RBM12: variants seen among roughly 807,000 people sequenced by gnomAD.
RBM12 encodes RNA-binding protein 12.
A neutral mutation model predicts 37.2 loss-of-function variants in RBM12; 24 were observed. That is an observed-to-expected ratio of 0.65 (90% confidence interval 0.47 to 0.91). The LOEUF is 0.91. RBM12 is among the 40% of genes least tolerant of loss of function. The probability of loss-of-function intolerance (pLI) is 0.00; values close to 1 mark genes in which losing one functional copy is unlikely to be tolerated. For synonymous variants in RBM12, 420 were observed against 425.2 expected (o/e 0.99, Z 0.15); for missense variants, 1,061 against 1,183.2 (o/e 0.90, Z 1.52).
intron 1 of RBM12, among the ~76,000 whole-genome samples, chr20:35,659,979 A>G (rs1042819951): frequency 1.3e-5 from 2 of 152,236 alleles, no homozygotes; most frequent in African/African-American, 2.4e-5. Context: ...CCAAGACCAA[A>G]ATACAACTAA....
At position 35,655,009 on chromosome 20, in the gene RBM12, G is replaced by A. The variant is rs757411439; in HGVS notation, c.314C>T (p.Ser105Leu). Residue 105 changes from serine (S) to leucine (L), a missense_variant, in exon 3 of 3, where the codon TCA (serine) becomes TTA (leucine). By Grantham distance (145) the Ser-to-Leu change is moderately radical (BLOSUM62 -2). Around this residue, in one of 3 missense-constraint regions of RBM12, gnomAD observed 540 missense variants for 632.7 expected, o/e 0.85. Coordinates refer to ENST00000374114, the MANE Select transcript of RBM12 (RefSeq NM_006047.6). ...LDIPPANASRSGPPPSSGMSS... is the reference protein window; with the variant it reads ...LDIPPANASRLGPPPSSGMSS... ...CATTCCTGAGCTAGGTGGTGGTCCT[G>A]ATCTACTGGCATTTGCTGGTGGTAT... The A allele has an allele frequency of 3.7e-6, 6 of 1,614,056 alleles. No homozygotes were observed. Among genetic ancestry groups the A allele is most frequent in the African/African-American group, 1.3e-5 (1 of 74,910 alleles).
rs183414249 is a variant in RBM12, at chr20:35,653,288, C to A, written c.2035G>T (p.Gly679Cys). ...AGTCCTGCACTGGTTATTGCTGAACCAGGCAGTCCTGTGCTGGGCAGGCCT... is the reference window on the plus strand; with the variant it reads ...AGTCCTGCACTGGTTATTGCTGAACAAGGCAGTCCTGTGCTGGGCAGGCCT... ...GAGLPSTGLP[G>C]SAITSAGLPG... is the part of the protein sequence containing the mutation. Residue 679 changes from glycine (G) to cysteine (C), a missense_variant, in exon 3 of 3, where the codon GGT becomes TGT. Coordinates refer to ENST00000374114, the MANE Select transcript of RBM12 (RefSeq NM_006047.6). 1 of 1,613,672 alleles carries A rather than the reference C, an allele frequency of 6.2e-7. No individual in the cohort carries two copies. Among genetic ancestry groups the A allele is most frequent in the East Asian group, 2.2e-5 (1 of 44,882 alleles).
chr20:35,652,383 C>A lies in RBM12; in HGVS notation c.*141G>T. 1.1e-6 allele frequency: 1 copy of A among 942,044 alleles called. No individual in the cohort carries two copies. The highest frequency in any genetic ancestry group is 1.6e-6 in the Non-Finnish European group (1 of 633,942). 58.4% of individuals were successfully genotyped at this position (942,044 alleles called of 1,614,324 possible). A position where few individuals can be genotyped will look rare whatever the true frequency, so the allele number is the denominator to read the frequency against. Reference sequence around the variant, plus strand: ...GAGTGAGTCTTCTGTAAACAGTCAACCAATGCTCTATGTTATGGAAACCAA... The same window carrying A: ...GAGTGAGTCTTCTGTAAACAGTCAAACAATGCTCTATGTTATGGAAACCAA... On this transcript the variant is annotated 3_prime_UTR_variant, in exon 3 of 3. Transcript: ENST00000374114.
intron 1 of RBM12, among the ~76,000 whole-genome samples, chr20:35,663,368 C>G (rs1374098182): frequency 6.6e-6 from 1 of 152,228 alleles, no homozygotes; most frequent in East Asian, 1.9e-4. Context: ...CCAGACAATT[C>G]TTGTTGCTAA....
rs774733595 is a variant in RBM12, at chr20:35,654,746, TTGG to T, written c.574_576del (p.Pro192del). The T allele has an allele frequency of 9.3e-6, 15 of 1,613,546 alleles. No homozygotes were observed. Among genetic ancestry groups the T allele is most frequent in the Non-Finnish European group, 1.3e-5 (15 of 1,179,570 alleles). The stretch of plus-strand genomic sequence containing the variant: ...GGTGGCAGAGATGGCATCGCTGGAA[TTGG>T]AGGAATTGGTGGCGGCGGGACTGTG... On this transcript the variant is annotated inframe_deletion, in exon 3 of 3. Coordinates refer to ENST00000374114, the MANE Select transcript of RBM12 (RefSeq NM_006047.6).
Position 35,652,579 on chromosome 20 carries a change from A to C in RBM12, c.2744T>G (p.Ile915Ser). The C allele has an allele frequency of 6.2e-7, 1 of 1,614,210 alleles. No individual in the cohort carries two copies. The highest frequency in any genetic ancestry group is 8.5e-7 in the Non-Finnish European group (1 of 1,180,016). Residue 915 changes from isoleucine (I) to serine (S), a missense_variant, in exon 3 of 3, where the codon ATT becomes AGT. Ile to Ser is a moderately radical substitution (Grantham distance 142, BLOSUM62 -2). Coordinates refer to ENST00000374114, the MANE Select transcript of RBM12 (RefSeq NM_006047.6). ...ESRDEATAAVIDLNDRPIGSR... is the reference protein window; with the variant it reads ...ESRDEATAAVSDLNDRPIGSR... ...ACCTATAGGCCTGTCATTTAAGTCA[A>C]TGACAGCAGCTGTGGCTTCATCCCG...
chr20:35,658,256 T>C (rs999330967), intron 2 of RBM12, among the ~76,000 whole-genome samples: 2 of 152,192 alleles, frequency 1.3e-5, no homozygotes, highest in Admixed American at 1.3e-4. Flanking sequence ...TGACCCATTA[T>C]CTATACTTAA....
Position 35,652,839 on chromosome 20 carries a change from G to GCCGGGC in RBM12, c.2483_2484insGCCCGG (p.Gly836_Pro837dup). 6.2e-7 allele frequency: 1 copy of GCCGGGC among 1,608,538 alleles called. No homozygotes were observed. Among genetic ancestry groups the GCCGGGC allele is most frequent in the Non-Finnish European group, 8.5e-7 (1 of 1,177,270 alleles). On this transcript the variant is annotated inframe_insertion, in exon 3 of 3. Coordinates refer to ENST00000374114, the MANE Select transcript of RBM12 (RefSeq NM_006047.6). ...GGCCAGGGCCGGGGCCGGGGCCGGG[G>GCCGGGC]CCAGGCCCAAAAGCTGGTGGCCCAC...
In RBM12 at chr20:35,657,939, G is replaced by C. The variant is rs182999881; in HGVS notation, c.-23+991C>G. ...TAGCTGGGCATGGTGGCAGGTGCCT[G>C]TAATCCCAGCTACTAGGGAGGCTGA... On this transcript the variant is annotated intron_variant, in intron 2 of 2. Coordinates refer to ENST00000374114, the MANE Select transcript of RBM12 (RefSeq NM_006047.6). Among the ~76,000 whole-genome samples, 249 of 152,196 alleles carry C rather than the reference G, an allele frequency of 1.6e-3. 1 individual carries two copies. Among genetic ancestry groups the C allele is most frequent in the African/African-American group, 5.8e-3 (242 of 41,546 alleles).
In RBM12 at chr20:35,654,589, G is replaced by A. The variant is rs747801395; in HGVS notation, c.734C>T (p.Pro245Leu). The change falls in exon 3 of 3, where the codon CCG becomes CTG. Residue 245 changes from proline to leucine, a missense_variant. Coordinates refer to ENST00000374114, the MANE Select transcript of RBM12 (RefSeq NM_006047.6). The stretch of plus-strand genomic sequence containing the variant: ...TGCCACAGGTGGCGGATTCAAGGGC[G>A]GCATGCCCGACATGGGTGGCAGTGG... The part of the protein sequence containing the change: ...MTPLPPMSGM[P>L]PLNPPPVAPL... 1.4e-5 allele frequency: 22 copies of A among 1,614,062 alleles called. No individual in the cohort carries two copies. The highest frequency in any genetic ancestry group is 2.2e-5 in the East Asian group (1 of 44,896).
Position 35,652,293 on chromosome 20 carries a change from C to T in RBM12, c.*231G>A. 1 of 458,662 alleles carries T rather than the reference C, an allele frequency of 2.2e-6. No individual in the cohort carries two copies. The highest frequency in any genetic ancestry group is 3.5e-5 in the South Asian group (1 of 28,266). 28.4% of individuals were successfully genotyped at this position (458,662 alleles called of 1,614,324 possible). A position where few individuals can be genotyped will look rare whatever the true frequency, so the allele number is the denominator to read the frequency against. On this transcript the variant is annotated 3_prime_UTR_variant, in exon 3 of 3. Coordinates refer to ENST00000374114, the MANE Select transcript of RBM12 (RefSeq NM_006047.6). ...TACAAATGGTTTCTCTAATGGTATG[C>T]CAAAATCATTTATGTGTTCTCTCCA...
chr20:35,654,120 A>G lies in RBM12; in HGVS notation c.1203T>C (p.Thr401=), dbSNP rs1319449157. ...TGGGAAGTGTCTGAGGAGGGGGATGAGTTTGTCCAGAAGGTCCCATATTTT... is the reference window on the plus strand; with the variant it reads ...TGGGAAGTGTCTGAGGAGGGGGATGGGTTTGTCCAGAAGGTCCCATATTTT... ...FKQNMGPSGQ[T]HPPPQTLPRS... Residue 401 remains threonine, a synonymous_variant, in exon 3 of 3, where the codon ACT becomes ACC. Coordinates refer to ENST00000374114, the MANE Select transcript of RBM12 (RefSeq NM_006047.6). The G allele has an allele frequency of 3.1e-6, 5 of 1,614,040 alleles. No individual in the cohort carries two copies. The South Asian group carries it at 4.4e-5, about 14-fold the overall frequency.
Position 35,652,512 on chromosome 20 carries a change from T to A in RBM12, c.*12A>T. 6.3e-7 allele frequency: 1 copy of A among 1,599,558 alleles called. No homozygotes were observed. Among genetic ancestry groups the A allele is most frequent in the Non-Finnish European group, 8.5e-7 (1 of 1,174,408 alleles). On this transcript the variant is annotated 3_prime_UTR_variant, in exon 3 of 3. Coordinates refer to ENST00000374114, the MANE Select transcript of RBM12 (RefSeq NM_006047.6). ...ATATGAAGATCTACCCTATAAAAAATGATGTGAATGGCTACCCTAATACAA... is the reference window on the plus strand; with the variant it reads ...ATATGAAGATCTACCCTATAAAAAAAGATGTGAATGGCTACCCTAATACAA...
chr20:35,652,961 C>T lies in RBM12; in HGVS notation c.2362G>A (p.Gly788Ser). 3 of 1,613,818 alleles carry T rather than the reference C, an allele frequency of 1.9e-6. No homozygotes were observed. The highest frequency in any genetic ancestry group is 1.7e-6 in the Non-Finnish European group (2 of 1,180,032). ...GGGCCATTTCCAAAATTCTGAGGGC[C>T]CCCTCCAAATCCCGATGGCCCACTT... is the stretch of plus-strand genomic sequence containing the variant. ...NLSGPSGFGGGPQNFGNGPGS... is the reference protein window; with the variant it reads ...NLSGPSGFGGSPQNFGNGPGS... The change falls in exon 3 of 3, where the codon GGC becomes AGC. Residue 788 changes from glycine to serine, a missense_variant. This residue lies in a region of RBM12 where 517 missense variants were observed against 534.0 expected (regional missense o/e 0.97). Coordinates refer to ENST00000374114, the MANE Select transcript of RBM12 (RefSeq NM_006047.6).
At position 35,654,634 on chromosome 20, in the gene RBM12, G is replaced by A. The variant is rs905877926; in HGVS notation, c.689C>T (p.Pro230Leu). ...CAGTGGGGTCATGGGTGGCACAGAAGGAACTGGGGGAATCGGGGGCACAGG... is the reference window on the plus strand; with the variant it reads ...CAGTGGGGTCATGGGTGGCACAGAAAGAACTGGGGGAATCGGGGGCACAGG... ...VPPVPPIPPV[P>L]SVPPMTPLPP... Residue 230 changes from proline (P) to leucine (L), a missense_variant, in exon 3 of 3, where the codon CCT (proline) becomes CTT (leucine). Pro to Leu is a moderately conservative substitution (Grantham distance 98, BLOSUM62 -3). Coordinates refer to ENST00000374114, the MANE Select transcript of RBM12 (RefSeq NM_006047.6). 6.2e-7 allele frequency: 1 copy of A among 1,614,178 alleles called. No homozygotes were observed. The highest frequency in any genetic ancestry group is 8.5e-7 in the Non-Finnish European group (1 of 1,180,008).
intron 1 of RBM12, among the ~76,000 whole-genome samples, chr20:35,660,467 C>T (rs1362939670): frequency 6.6e-6 from 1 of 152,190 alleles, no homozygotes; most frequent in Non-Finnish European, 1.5e-5. Flanking sequence ...GATCCACCCG[C>T]CTCAGCCTCC....
At position 35,654,211 on chromosome 20, in the gene RBM12, T is replaced by C. The variant is rs1044790513; in HGVS notation, c.1112A>G (p.Tyr371Cys). 4.3e-6 allele frequency: 7 copies of C among 1,614,256 alleles called. No individual in the cohort carries two copies. Among genetic ancestry groups the C allele is most frequent in the Non-Finnish European group, 2.5e-6 (3 of 1,180,042 alleles). The change falls in exon 3 of 3, where the codon TAT (tyrosine) becomes TGT (cysteine). Residue 371 changes from tyrosine to cysteine, a missense_variant. Transcript: ENST00000374114. Reference sequence around the variant, plus strand: ...TTCTGTGGCAGGGCTAACTTCCACATAGCGTTGAATCATCAGCATTCTGTT... The same window carrying C: ...TTCTGTGGCAGGGCTAACTTCCACACAGCGTTGAATCATCAGCATTCTGTT... ...KRNRMLMIQR[Y>C]VEVSPATERQ...
Position 35,654,387 on chromosome 20 carries a change from G to C in RBM12, c.936C>G (p.Pro312=), listed in dbSNP as rs2033756670. Reference sequence around the variant, plus strand: ...TGACATCATTTTCCATTGCAGAAAAGGGCATTCCATGCACACTGACATACA... The same window carrying C: ...TGACATCATTTTCCATTGCAGAAAACGGCATTCCATGCACACTGACATACA... ...DDLYVSVHGM[P]FSAMENDVRD... The change falls in exon 3 of 3, where the codon CCC becomes CCG. Residue 312 remains proline, a synonymous_variant. Transcript: ENST00000374114. The C allele has an allele frequency of 1.2e-6, 2 of 1,614,034 alleles. No homozygotes were observed. The highest frequency in any genetic ancestry group is 1.7e-6 in the Non-Finnish European group (2 of 1,180,040).
chr20:35,654,702 TGGG>T lies in RBM12; in HGVS notation c.618_620del (p.Pro207del), dbSNP rs1018123797. 1 of 1,613,450 alleles carries T rather than the reference TGGG, an allele frequency of 6.2e-7. No homozygotes were observed. The highest frequency in any genetic ancestry group is 8.5e-7 in the Non-Finnish European group (1 of 1,179,692). ...TAGGTACTGGAGGAGGAACTGGAAT[TGGG>T]GGAATGGATGGCATTGGTGGCAGAG... On this transcript the variant is annotated inframe_deletion, in exon 3 of 3. Coordinates refer to ENST00000374114, the MANE Select transcript of RBM12 (RefSeq NM_006047.6).
Sources: gnomAD v4.1 joint callset for allele counts (sites outside exome capture counted in the v4.1 genomes callset) on GRCh38, gnomAD v4.1.1 for gene constraint, gnomAD v4.1.1 regional missense constraint, MANE v1.5 for transcripts, NCBI Gene and HGNC (gene_info 2026-07-23, HGNC 2026-07-21) for gene names.